The following KIF7 variants were observed in gnomAD, a reference collection of about 807,000 sequenced individuals.
KIF7 encodes kinesin-like protein KIF7.
In KIF7, 104 loss-of-function variants were observed where a neutral mutation model predicts 135.7. The ratio of observed to expected loss-of-function variants is 0.77; its 90% confidence interval spans 0.65 to 0.90. The LOEUF is 0.90. KIF7 is among the 40% of genes least tolerant of loss of function. KIF7 has a pLI of 0.00. For synonymous variants in KIF7, 883 were observed against 809.4 expected (o/e 1.09, Z -1.54); for missense variants, 2,005 against 1,839.1 (o/e 1.09, Z -1.65).
chr15:89,628,267 A>T lies in KIF7; in HGVS notation c.*152T>A. On this transcript the variant is annotated 3_prime_UTR_variant, in exon 19 of 19. Coordinates refer to ENST00000394412, the MANE Select transcript of KIF7 (RefSeq NM_198525.3). ...AATGAGGGTCCAGTTCTTTTGGGCCATGGCCCAAATTTGTTGATCCCAGTG... is the reference window on the plus strand; with the variant it reads ...AATGAGGGTCCAGTTCTTTTGGGCCTTGGCCCAAATTTGTTGATCCCAGTG... 1.1e-6 allele frequency: 1 copy of T among 923,552 alleles called. No individual in the cohort carries two copies. Among genetic ancestry groups the T allele is most frequent in the Non-Finnish European group, 1.6e-6 (1 of 625,524 alleles). 57.2% of individuals were successfully genotyped at this position (923,552 alleles called of 1,614,324 possible). A position where few individuals can be genotyped will look rare whatever the true frequency, so the allele number is the denominator to read the frequency against.
upstream of KIF7, among the ~76,000 whole-genome samples, chr15:89,656,136 G>A (rs1247890454): frequency 6.6e-6 from 1 of 152,154 alleles, no homozygotes; most frequent in Admixed American, 6.5e-5. Flanking sequence ...AAGATTACCT[G>A]TCATAGACAG....
At position 89,630,849 on chromosome 15, in the gene KIF7, T is replaced by C. The variant is rs188496178; in HGVS notation, c.3112-356A>G. The C allele has an allele frequency of 6.4e-3, 2,554 of 400,906 alleles. 16 individuals carry two copies. The highest frequency in any genetic ancestry group is 8.7e-3 in the Non-Finnish European group (1,839 of 211,392). The allele number at this position is 400,906 out of a possible 1,614,324, so 24.8% of individuals were successfully genotyped here. On this transcript the variant is annotated intron_variant, in intron 15 of 18. Transcript: ENST00000394412. ...ACAGATGGGGATACGTTCTAAGAAA[T>C]GCATCATTAGGCGTTTTCGACGTCG...
At chr15:89,644,445 C>T (rs867460616) in intron 10 of KIF7, among the ~76,000 whole-genome samples, 1 of 151,514 alleles carries the variant, frequency 6.6e-6, no homozygotes, top group Non-Finnish European at 1.5e-5. Flanking sequence ...GACACTGAGG[C>T]GGGTGGATCA....
chr15:89,647,829 G>A (rs1964043337), intron 5 of KIF7, 117 bp from the exon 6 acceptor site: 2 of 859,394 alleles, frequency 2.3e-6, no homozygotes, highest in Non-Finnish European at 3.6e-6. Flanking sequence ...CCTGCAGTGG[G>A]AACTCCAGAC....
chr15:89,627,495 T>C (rs1963554681), downstream of KIF7: 1 of 195,434 alleles, frequency 5.1e-6, no homozygotes, highest in Non-Finnish European at 1.0e-5. Context: ...CAGGCAGCGC[T>C]TTGTAAACTG....
At position 89,628,678 on chromosome 15, in the gene KIF7, GC is replaced by G. The variant is rs770804978; in HGVS notation, c.3772del (p.Ala1258ProfsTer18). ...LLWLSPLTEG[A>X]PRTREETRDL... Reference sequence around the variant, plus strand: ...CCGCGTCTCCTCCCGGGTGCGGGGGGCCCCCTCAGTGAGGGGGGACAGCCAG... The same window carrying G: ...CCGCGTCTCCTCCCGGGTGCGGGGGGCCCCTCAGTGAGGGGGGACAGCCAG... On this transcript the variant is annotated frameshift_variant, in exon 19 of 19. Coordinates refer to ENST00000394412, the MANE Select transcript of KIF7 (RefSeq NM_198525.3). LOFTEE classifies it low-confidence loss of function (END_TRUNC). 6.2e-7 allele frequency: 1 copy of G among 1,612,858 alleles called. No individual in the cohort carries two copies. The highest frequency in any genetic ancestry group is 2.2e-5 in the East Asian group (1 of 44,832).
Position 89,619,661 on chromosome 15 carries a change from A to G in KIF7, c.181-1466T>C, listed in dbSNP as rs773879587. ...GTTTTGGACAACATGAGAAAATGTC[A>G]AGCTTGTAGTTGTCTTTGGTTACTT... On this transcript the variant is annotated intron_variant and NMD_transcript_variant, in intron 1 of 2. Coordinates refer to the KIF7 transcript ENST00000558928. 3 of 1,561,210 alleles carry G rather than the reference A, an allele frequency of 1.9e-6. No individual in the cohort carries two copies. In the Admixed American group the frequency reaches 6.0e-5, roughly 31 times the overall value.
chr15:89,639,043 G>A (rs1963867139), intron 11 of KIF7, among the ~76,000 whole-genome samples: 1 of 152,036 alleles, frequency 6.6e-6, no homozygotes, highest in Non-Finnish European at 1.5e-5. Flanking sequence ...AATGGGGAAA[G>A]GATTCCCTAT....
At position 89,652,936 on chromosome 15, in the gene KIF7, G is replaced by A; in HGVS notation, c.-6C>T. The A allele has an allele frequency of 2.0e-6, 3 of 1,506,392 alleles. No individual in the cohort carries two copies. Among genetic ancestry groups the A allele is most frequent in the South Asian group, 1.3e-5 (1 of 79,546 alleles). The allele number at this position is 1,506,392 out of a possible 1,614,324, so 93.3% of individuals were successfully genotyped here. ...CTCTGAGCCTCCAGCCCCATGCCGA[G>A]GGAGGACTGCTCTGGGCCCTGTGGA... On this transcript the variant is annotated 5_prime_UTR_variant, in exon 2 of 19. Coordinates refer to ENST00000394412, the MANE Select transcript of KIF7 (RefSeq NM_198525.3).
At chr15:89,618,053 T>C in exon 2 of KIF7, 1 of 1,218,176 alleles carries the variant, frequency 8.2e-7, no homozygotes, top group Admixed American at 1.7e-5. Context: ...TCAGACCCTG[T>C]GATCTTTGTG....
Position 89,628,314 on chromosome 15 carries a change from AT to A in KIF7, c.*104del. On this transcript the variant is annotated 3_prime_UTR_variant, in exon 19 of 19. Transcript: ENST00000394412. ...AGTGAGGGTACAGATGAGGGCCTGG[AT>A]TTAGGGTGTGCGGTAAGGACTGCCC... 1 of 1,444,460 alleles carries A rather than the reference AT, an allele frequency of 6.9e-7. No individual in the cohort carries two copies. Among genetic ancestry groups the A allele is most frequent in the Non-Finnish European group, 9.3e-7 (1 of 1,070,816 alleles). 89.5% of individuals were successfully genotyped at this position (1,444,460 alleles called of 1,614,324 possible).
rs147663017 is a variant in KIF7, at chr15:89,646,920, G to A, written c.1698C>T (p.Ala566=). Residue 566 remains alanine, a synonymous_variant, in exon 7 of 19, where the codon GCC becomes GCT. Transcript: ENST00000394412. ...PGSFVPRPHT[A]PLGGAHAHVL... ...CATGGGCGTGGGCACCCCCCAGGGG[G>A]GCTGTATGAGGTCGAGGCACAAAGG... 133 of 1,613,954 alleles carry A rather than the reference G, an allele frequency of 8.2e-5. No individual in the cohort carries two copies. In the African/African-American group the frequency reaches 1.6e-3, roughly 19 times the overall value.
downstream of KIF7, chr15:89,625,513 T>C (rs1963505624): frequency 5.0e-6 from 8 of 1,613,800 alleles, no homozygotes; most frequent in Middle Eastern, 3.3e-4. Context: ...GACGCCCATC[T>C]TGGAGGATTT....
downstream of KIF7, chr15:89,624,527 CTGGGGT>C (rs1240124535): frequency 6.2e-6 from 10 of 1,613,920 alleles, no homozygotes; most frequent in Non-Finnish European, 8.5e-6. Flanking sequence ...TCCGCTACTC[CTGGGGT>C]TGGCACAGCT....
At chr15:89,630,219 C>T in intron 16 of KIF7, 68 bp downstream of exon 16, 2 of 1,442,182 alleles carry the variant, frequency 1.4e-6, no homozygotes, top group Non-Finnish European at 9.7e-7. Context: ...GCTGGAGCAG[C>T]TGCCATGAGA....
At chr15:89,658,981 CT>C (rs1964232483), upstream of KIF7, among the ~76,000 whole-genome samples, 2 of 152,088 alleles carry the variant, frequency 1.3e-5, no homozygotes, top group Admixed American at 1.3e-4. Flanking sequence ...TAGGGGAGAG[CT>C]TTTAAAACAT....
intron 17 of KIF7, 67 bp downstream of exon 17, chr15:89,629,308 G>A: frequency 8.9e-6 from 11 of 1,241,084 alleles, no homozygotes; most frequent in Non-Finnish European, 1.2e-5. Flanking sequence ...GGGGTGCAGG[G>A]CGGGGAAGAT....
At chr15:89,619,935 C>G (rs944886361) in intron 1 of KIF7, 2 of 1,465,454 alleles carry the variant, frequency 1.4e-6, no homozygotes, top group East Asian at 4.6e-5. Flanking sequence ...CATTTTCTTT[C>G]TTGACATTGG....
chr15:89,647,692 CT>C lies in KIF7; in HGVS notation c.1463del (p.Gln488ArgfsTer3). ...CCACCTGGTTCTGCAGGGTCAGCAG[CT>C]GCTGCGCCCCCTCATCCTCCTATAG... ...GGRKEDEGAQ[Q>X]LLTLQNQVAR... On this transcript the variant is annotated frameshift_variant, in exon 6 of 19. Coordinates refer to ENST00000394412, the MANE Select transcript of KIF7 (RefSeq NM_198525.3). LOFTEE classifies it high-confidence loss of function. 1.9e-6 allele frequency: 3 copies of C among 1,586,834 alleles called. No individual in the cohort carries two copies. Among genetic ancestry groups the C allele is most frequent in the Non-Finnish European group, 2.6e-6 (3 of 1,168,648 alleles).
Sources: gnomAD v4.1 joint callset for allele counts (sites outside exome capture counted in the v4.1 genomes callset) on GRCh38, gnomAD v4.1.1 for gene constraint, MANE v1.5 for transcripts, NCBI Gene and HGNC (gene_info 2026-07-23, HGNC 2026-07-21) for gene names.